NBEA: variants seen among roughly 807,000 people sequenced by gnomAD.
The protein encoded by NBEA is lysosomal-trafficking regulator 2.
A neutral mutation model predicts 343.4 loss-of-function variants in NBEA; 44 were observed. The ratio of observed to expected loss-of-function variants is 0.13; its 90% CI spans 0.10 to 0.16. NBEA has a LOEUF of 0.16. Ranked by LOEUF, NBEA falls within the 10% of genes least tolerant of loss-of-function variation. NBEA has a pLI of 1.00. For synonymous variants in NBEA, 1,175 were observed against 1,238.7 expected (o/e 0.95, Z 1.08); for missense variants, 2,555 against 3,631.3 (o/e 0.70, Z 7.62).
chr13:35,471,103 T>G (rs1436802884), intron 40 of NBEA, among the ~76,000 whole-genome samples: 1 of 152,188 alleles, frequency 6.6e-6, no homozygotes, highest in African/African-American at 2.4e-5. Context: ...GGCTGAAAGC[T>G]GACACTGTCA....
intron 39 of NBEA, among the ~76,000 whole-genome samples, chr13:35,449,242 T>C (rs1415792036): frequency 1.3e-5 from 2 of 152,230 alleles, no homozygotes; most frequent in Non-Finnish European, 2.9e-5. Flanking sequence ...ATAATTTTAA[T>C]AGGAAAATGT....
chr13:35,400,233 G>T (rs2042940153), intron 38 of NBEA, among the ~76,000 whole-genome samples: 1 of 139,990 alleles, frequency 7.1e-6, no homozygotes, highest in African/African-American at 2.6e-5. Context: ...AAGTATCTGT[G>T]AGTACATTAA....
chr13:35,293,016 A>T (rs2035895089), intron 35 of NBEA, among the ~76,000 whole-genome samples: 1 of 151,740 alleles, frequency 6.6e-6, no homozygotes, highest in Non-Finnish European at 1.5e-5. Flanking sequence ...TATGCTTCTC[A>T]TTTTCATTTT....
chr13:35,578,141 G>C (rs1311162622), intron 45 of NBEA, among the ~76,000 whole-genome samples: 1 of 152,190 alleles, frequency 6.6e-6, no homozygotes. Context: ...TTAGAAGCCA[G>C]ACAAATGAGT....
intron 1 of NBEA, among the ~76,000 whole-genome samples, chr13:35,010,741 AATATAT>A (rs869140392): frequency 0.03 from 964 of 31,720 alleles, 35 homozygotes; most frequent in African/African-American, 0.081. Flanking sequence ...AAAAAAAAAA[AATATAT>A]ATATATATAT....
At chr13:35,087,104 C>G (rs1337978361) in intron 10 of NBEA, among the ~76,000 whole-genome samples, 1 of 151,608 alleles carries the variant, frequency 6.6e-6, no homozygotes, top group East Asian at 1.9e-4. Flanking sequence ...CAAATTGTCT[C>G]TTCACTCTTT....
At chr13:35,305,919 T>C (rs1163544801) in intron 35 of NBEA, among the ~76,000 whole-genome samples, 3 of 152,208 alleles carry the variant, frequency 2.0e-5, no homozygotes, top group Non-Finnish European at 4.4e-5. Context: ...GCTGCATAGT[T>C]TGTTCTGAGT....
rs757170136 is a variant in NBEA at position 35,159,400 on chromosome 13, T to A, written c.3229T>A (p.Ser1077Thr). ...AGTAAAGCTCGATGATATGGATTTA[T>A]CACCGGAGACTTTAGTAGGTGGAGA... The part of the protein sequence containing the change: ...TEVKLDDMDL[S>T]PETLVGGENG... Residue 1077 changes from serine to threonine, a missense_variant, in exon 22 of 59, where the codon TCA (serine) becomes ACA (threonine). Coordinates refer to ENST00000379939, the MANE Select transcript of NBEA (RefSeq NM_001385012.1). 6 of 1,613,476 alleles carry A rather than the reference T, an allele frequency of 3.7e-6. No homozygotes were observed. The South Asian group carries it at 5.5e-5, about 15-fold the overall frequency.
At chr13:35,421,924 C>G (rs1044601378) in intron 38 of NBEA, among the ~76,000 whole-genome samples, 1 of 152,048 alleles carries the variant, frequency 6.6e-6, no homozygotes, top group Non-Finnish European at 1.5e-5. Context: ...TTTTCTCTGG[C>G]TGCTCTTTAG....
In NBEA at chr13:35,452,187, G is replaced by C; in HGVS notation, c.6400G>C (p.Asp2134His). The C allele has an allele frequency of 6.2e-7, 1 of 1,604,400 alleles. No homozygotes were observed. The highest frequency in any genetic ancestry group is 8.5e-7 in the Non-Finnish European group (1 of 1,174,494). ...AETELMLEGD[D>H]DAVSLLQEKE... ...GACAGAACTTATGCTGGAAGGAGAC[G>C]ATGATGCAGTCAGTCTGCTACAGGA... is the stretch of plus-strand genomic sequence containing the variant. Residue 2134 changes from aspartate to histidine, a missense_variant, in exon 40 of 59, where the codon GAT becomes CAT. By Grantham distance (81) the Asp-to-His change is moderately conservative. Coordinates refer to ENST00000379939, the MANE Select transcript of NBEA (RefSeq NM_001385012.1).
At chr13:35,318,053 C>T (rs1668376740) in intron 36 of NBEA, among the ~76,000 whole-genome samples, 1 of 152,090 alleles carries the variant, frequency 6.6e-6, no homozygotes, top group African/African-American at 2.4e-5. Context: ...CAAATAGAAA[C>T]GATTTGACTT....
At chr13:35,231,541 A>T (rs977679807) in intron 33 of NBEA, among the ~76,000 whole-genome samples, 1 of 152,044 alleles carries the variant, frequency 6.6e-6, no homozygotes, top group African/African-American at 2.4e-5. Context: ...TGGTTTGTTT[A>T]ATGTATCAGA....
In NBEA at chr13:35,634,610, C is replaced by A. The variant is rs372827848; in HGVS notation, c.7617+6362C>A. On this transcript the variant is annotated intron_variant, in intron 49 of 58. Transcript: ENST00000379939. ...TCTTTTTAACGGTGAGAGGTATGCA[C>A]ATAAGTCTATCATAAAAGGCTGTTT... Among the ~76,000 whole-genome samples the A allele has an allele frequency of 3.9e-5, 6 of 152,200 alleles. No homozygotes were observed. The South Asian group carries it at 1.0e-3, about 26-fold the overall frequency.
chr13:35,571,558 G>A (rs2080425672), intron 45 of NBEA, among the ~76,000 whole-genome samples: 3 of 152,148 alleles, frequency 2.0e-5, no homozygotes, highest in Non-Finnish European at 2.9e-5. Flanking sequence ...AAGTAGTTAA[G>A]GCACCTAGTA....
chr13:35,290,351 T>C (rs777252896), intron 34 of NBEA, 38 bp from the exon 35 acceptor site: 4 of 1,337,608 alleles, frequency 3.0e-6, no homozygotes, highest in Non-Finnish European at 4.3e-6. Flanking sequence ...ATTTCTGCCA[T>C]TGTAATTTCA....
chr13:35,528,450 C>T (rs958779300), intron 41 of NBEA, among the ~76,000 whole-genome samples: 1 of 152,156 alleles, frequency 6.6e-6, no homozygotes. Context: ...TTGATAAAAA[C>T]TACAATTGTA....
At chr13:35,058,431 A>G (rs1306180817) in intron 7 of NBEA, among the ~76,000 whole-genome samples, 1 of 152,096 alleles carries the variant, frequency 6.6e-6, no homozygotes, top group Non-Finnish European at 1.5e-5. Context: ...AAATAATTAT[A>G]AGCTATTTTG....
At chr13:35,355,561 G>C (rs187083961) in intron 38 of NBEA, among the ~76,000 whole-genome samples, 8 of 152,184 alleles carry the variant, frequency 5.3e-5, no homozygotes, top group Admixed American at 5.2e-4. Context: ...AAGTTCTTTT[G>C]AACGCTTGCT....
At chr13:35,333,319 A>G (rs557662194) in intron 36 of NBEA, among the ~76,000 whole-genome samples, 1 of 152,318 alleles carries the variant, frequency 6.6e-6, no homozygotes, top group Non-Finnish European at 1.5e-5. Flanking sequence ...TTTTTAAAAT[A>G]CAAGTTGGAA....
Sources: gnomAD v4.1 joint callset for allele counts (sites outside exome capture counted in the v4.1 genomes callset) on GRCh38, gnomAD v4.1.1 for gene constraint, MANE v1.5 for transcripts, NCBI Gene and HGNC (gene_info 2026-07-23, HGNC 2026-07-21) for gene names.